The following ITGA4 variants were observed in gnomAD, a reference collection of about 807,000 sequenced individuals.
ITGA4 encodes integrin alpha-4.
A neutral mutation model predicts 133.6 loss-of-function variants in ITGA4; 63 were observed. That is an observed-to-expected ratio of 0.47 (90% CI 0.38 to 0.58). The LOEUF (loss-of-function observed/expected upper bound fraction) is 0.58. Ranked by LOEUF, ITGA4 falls within the 20% of genes least tolerant of loss-of-function variation. The probability of loss-of-function intolerance (pLI) is 0.00; values close to 1 mark genes in which losing one functional copy is unlikely to be tolerated. For synonymous variants in ITGA4, 483 were observed against 438.0 expected, an observed-to-expected ratio of 1.10 and a Z score of -1.28; for missense variants, 1,076 against 1,252.7, an observed-to-expected ratio of 0.86 and a Z score of 2.13.
At chr2:181,467,288 CATCAT>C (rs1281224114) in intron 2 of ITGA4, among the ~76,000 whole-genome samples, 1 of 151,928 alleles carries the variant, frequency 6.6e-6, no homozygotes, top group Non-Finnish European at 1.5e-5. Flanking sequence ...CTTCACATCA[CATCAT>C]GAGTTTTGAA....
Position 181,531,691 on chromosome 2 carries a change from T to C in ITGA4, c.2699T>C (p.Phe900Ser). The stretch of plus-strand genomic sequence containing the variant: ...AAAGCTGATCCACATTGTTTAAATT[T>C]CTTGTGTAATTTTGGGAAAATGGAA... ...CIKADPHCLN[F>S]LCNFGKMESG... Residue 900 changes from phenylalanine (F) to serine (S), a missense_variant, in exon 25 of 28, where the codon TTC (phenylalanine) becomes TCC (serine). Phe to Ser is a radical substitution (Grantham distance 155, BLOSUM62 -2). This residue lies in a region of ITGA4 where 193 missense variants were observed against 172.3 expected (regional missense o/e 1.12). Transcript: ENST00000397033. The C allele has an allele frequency of 6.2e-7, 1 of 1,603,110 alleles. No individual in the cohort carries two copies. The highest frequency in any genetic ancestry group is 8.5e-7 in the Non-Finnish European group (1 of 1,171,866).
Position 181,495,677 on chromosome 2 carries a change from A to G in ITGA4, c.1386-106A>G. The G allele has an allele frequency of 1.1e-6, 1 of 944,186 alleles. No homozygotes were observed. The highest frequency in any genetic ancestry group is 1.6e-6 in the Non-Finnish European group (1 of 618,900). The allele number at this position is 944,186 out of a possible 1,614,324, so 58.5% of individuals were successfully genotyped here. ...AATTAGTATGTACACACATAATAAGACTCATGAAATTACTTGGTGAATGTA... is the reference window on the plus strand; with the variant it reads ...AATTAGTATGTACACACATAATAAGGCTCATGAAATTACTTGGTGAATGTA... On this transcript the variant is annotated intron_variant, in intron 13 of 27. Coordinates refer to ENST00000397033, the MANE Select transcript of ITGA4 (RefSeq NM_000885.6). This position sits in a 1 kb window ranked among gnomAD's most constrained non-coding sequence, Gnocchi z 4.3.
Position 181,538,288 on chromosome 2 carries a change from T to G in ITGA4, c.*2761T>G. 1.7e-6 allele frequency: 2 copies of G among 1,151,022 alleles called. No homozygotes were observed. The highest frequency in any genetic ancestry group is 2.5e-5 in the South Asian group (2 of 80,552). The allele number at this position is 1,151,022 out of a possible 1,614,324, so 71.3% of individuals were successfully genotyped here. Reference sequence around the variant, plus strand: ...ATTTCATCAACTTATTTTGTTGTTTTTCACATACACCTAATAAGTATGGTA... The same window carrying G: ...ATTTCATCAACTTATTTTGTTGTTTGTCACATACACCTAATAAGTATGGTA... On this transcript the variant is annotated 3_prime_UTR_variant, in exon 28 of 28. Transcript: ENST00000397033.
chr2:181,503,960 T>C (rs1362970617), intron 15 of ITGA4, among the ~76,000 whole-genome samples: 1 of 152,048 alleles, frequency 6.6e-6, no homozygotes, highest in Non-Finnish European at 1.5e-5. Context: ...TTAGACATGT[T>C]AGAGCAGCCA....
At position 181,495,334 on chromosome 2, in the gene ITGA4, T is replaced by C; in HGVS notation, c.1340-37T>C. 1 of 1,527,144 alleles carries C rather than the reference T, an allele frequency of 6.5e-7. No individual in the cohort carries two copies. The highest frequency in any genetic ancestry group is 9.1e-7 in the Non-Finnish European group (1 of 1,101,326). 94.6% of individuals were successfully genotyped at this position (1,527,144 alleles called of 1,614,324 possible). A position where few individuals can be genotyped will look rare whatever the true frequency, so the allele number is the denominator to read the frequency against. Reference sequence around the variant, plus strand: ...CTGAAAAATAATTCTCTTTGACTAATGATGATCATTAATCTGTGTTGTTTT... The same window carrying C: ...CTGAAAAATAATTCTCTTTGACTAACGATGATCATTAATCTGTGTTGTTTT... On this transcript the variant is annotated intron_variant, in intron 12 of 27. Coordinates refer to ENST00000397033, the MANE Select transcript of ITGA4 (RefSeq NM_000885.6). The surrounding 1 kb of genome is among the most constrained non-coding windows in gnomAD (Gnocchi z 4.3).
Position 181,495,866 on chromosome 2 carries a change from G to C in ITGA4, c.1469G>C (p.Gly490Ala). 6.2e-7 allele frequency: 1 copy of C among 1,613,978 alleles called. No homozygotes were observed. The highest frequency in any genetic ancestry group is 8.5e-7 in the Non-Finnish European group (1 of 1,179,902). The change falls in exon 14 of 28, where the codon GGA (glycine) becomes GCA (alanine). Residue 490 changes from glycine to alanine, a missense_variant. This residue lies in a region of ITGA4 where 436 missense variants were observed against 590.7 expected (regional missense o/e 0.74). Transcript: ENST00000397033. The surrounding 1 kb of genome is among the most constrained non-coding windows in gnomAD (Gnocchi z 4.3). ...ACGAAATTTGACTGTGTTGAAAATG[G>C]ATGGCCTTCTGTGTGCATAGATCTA... The part of the protein sequence containing the change: ...NRTKFDCVEN[G>A]WPSVCIDLTL...
intron 25 of ITGA4, among the ~76,000 whole-genome samples, chr2:181,532,758 G>T (rs1269468178): frequency 6.6e-6 from 1 of 152,080 alleles, no homozygotes; most frequent in African/African-American, 2.4e-5. Context: ...GATTGCCCTG[G>T]CCAGAACTTC....
At chr2:181,460,740 ATTATCTGTATG>A (rs1186926430) in intron 2 of ITGA4, among the ~76,000 whole-genome samples, 3 of 152,172 alleles carry the variant, frequency 2.0e-5, no homozygotes, top group Non-Finnish European at 4.4e-5. Context: ...ACTTAAATCT[ATTATCTGTATG>A]TTATCTGTAA....
In ITGA4 at chr2:181,458,247, C is replaced by A. The variant is rs1332994081; in HGVS notation, c.249C>A (p.Ile83=). Residue 83 remains isoleucine (I), a synonymous_variant, in exon 2 of 28, where the codon ATC becomes ATA. Coordinates refer to ENST00000397033, the MANE Select transcript of ITGA4 (RefSeq NM_000885.6). ...ACTGGCTCGCCAACGCTTCAGTGAT[C>A]AATCCCGGGGCGATTTACAGATGCA... The part of the protein sequence containing the change: ...TANWLANASV[I]NPGAIYRCRI... 3 of 1,613,506 alleles carry A rather than the reference C, an allele frequency of 1.9e-6. No individual in the cohort carries two copies. Among genetic ancestry groups the A allele is most frequent in the Middle Eastern group, 1.6e-4 (1 of 6,082 alleles).
intron 10 of ITGA4, 143 bp downstream of exon 10, chr2:181,486,135 G>A: frequency 1.9e-6 from 2 of 1,039,444 alleles, no homozygotes; most frequent in South Asian, 1.9e-5. Context: ...TTTCTTTAGT[G>A]TTATATATGA....
chr2:181,481,418 AT>A, intron 6 of ITGA4, among the ~76,000 whole-genome samples, 179 bp from the exon 7 acceptor site: 1 of 152,328 alleles, frequency 6.6e-6, no homozygotes, highest in Admixed American at 6.5e-5. Context: ...TGTAAAACAT[AT>A]CAAAATTGCA....
At position 181,516,831 on chromosome 2, in the gene ITGA4, T is replaced by C. The variant is rs992562626; in HGVS notation, c.1922+5056T>C. ...GAGCAAGGAGCAACATCTGCCACCA[T>C]GCTGTTAATTCCCGAAAGAGCTAGT... On this transcript the variant is annotated intron_variant, in intron 17 of 27. Transcript: ENST00000397033. This position sits in a 1 kb window ranked among gnomAD's most constrained non-coding sequence, Gnocchi z 4.0. Among the ~76,000 whole-genome samples the C allele has an allele frequency of 6.6e-6, 1 of 152,058 alleles. No homozygotes were observed. Among genetic ancestry groups the C allele is most frequent in the Non-Finnish European group, 1.5e-5 (1 of 67,988 alleles).
chr2:181,510,199 C>G lies in ITGA4; in HGVS notation c.1845+392C>G, dbSNP rs146867476. Reference sequence around the variant, plus strand: ...TTTTCTCCCTTGCTTTCATCCTACTCACAGATTCACTCATGTCTTCATAAT... The same window carrying G: ...TTTTCTCCCTTGCTTTCATCCTACTGACAGATTCACTCATGTCTTCATAAT... On this transcript the variant is annotated intron_variant, in intron 16 of 27. Transcript: ENST00000397033. Among the ~76,000 whole-genome samples, 404 of 152,190 alleles carry G rather than the reference C, an allele frequency of 2.7e-3. 3 individuals carry two copies. The highest frequency in any genetic ancestry group is 9.1e-3 in the African/African-American group (378 of 41,542).
chr2:181,535,025 T>C, intron 27 of ITGA4, 90 bp downstream of exon 27: 1 of 1,385,274 alleles, frequency 7.2e-7, no homozygotes, highest in Non-Finnish European at 9.6e-7. Flanking sequence ...ATTTAAATAT[T>C]TCACTATTTG....
intron 4 of ITGA4, 39 bp from the exon 5 acceptor site, chr2:181,478,718 T>A: frequency 6.8e-6 from 6 of 876,106 alleles, no homozygotes; most frequent in Non-Finnish European, 1.0e-5. Flanking sequence ...ATTTTATCTT[T>A]AAGATAAAAT....
intron 2 of ITGA4, among the ~76,000 whole-genome samples, chr2:181,463,468 G>T (rs567022751): frequency 6.6e-6 from 1 of 152,228 alleles, no homozygotes; most frequent in Admixed American, 6.5e-5. Context: ...TCTGTACAAG[G>T]ACACTGGCAA....
In ITGA4 at chr2:181,472,179, AATAG is replaced by A. The variant is rs371103561; in HGVS notation, c.320-2777_320-2774del. Among the ~76,000 whole-genome samples, 268 of 152,354 alleles carry A rather than the reference AATAG, an allele frequency of 1.8e-3. 2 individuals carry two copies. In the Middle Eastern group the frequency reaches 0.044, roughly 25 times the overall value. ...AAGAAGGAGGCAATGCAGAATATTAAATAGATAAGAGTTCATAATGCAAGAGTTT... is the reference window on the plus strand; with the variant it reads ...AAGAAGGAGGCAATGCAGAATATTAAATAAGAGTTCATAATGCAAGAGTTT... On this transcript the variant is annotated intron_variant, in intron 2 of 27. Transcript: ENST00000397033.
intron 15 of ITGA4, among the ~76,000 whole-genome samples, chr2:181,508,245 AAGAAT>A (rs1686433831): frequency 1.3e-5 from 2 of 152,106 alleles, no homozygotes; most frequent in Non-Finnish European, 2.9e-5. Flanking sequence ...ACATATCAAC[AAGAAT>A]AGGAGTAAGA....
rs565062148 is a variant in ITGA4, at chr2:181,461,788, A to G, written c.319+3471A>G. 1.6e-4 allele frequency among the ~76,000 whole-genome samples: 25 copies of G among 152,326 alleles called. 3 individuals carry two copies. The South Asian group carries it at 3.9e-3, about 24-fold the overall frequency. ...CTCATTTGGGTAATAGTCTAAAGTT[A>G]TACAATTACACTATCCAGTATAGTA... is the stretch of plus-strand genomic sequence containing the variant. On this transcript the variant is annotated intron_variant, in intron 2 of 27. Transcript: ENST00000397033.
Sources: gnomAD v4.1 joint callset for allele counts (sites outside exome capture counted in the v4.1 genomes callset) on GRCh38, gnomAD v4.1.1 for gene constraint, gnomAD v4.1.1 regional missense constraint, Gnocchi (gnomAD v3.1) non-coding constraint, MANE v1.5 for transcripts, NCBI Gene and HGNC (gene_info 2026-07-23, HGNC 2026-07-21) for gene names.